The following CD3D variants were observed in gnomAD, a reference collection of about 807,000 sequenced individuals.
CD3D encodes the protein CD3 delta subunit of T-cell receptor complex.
Under a neutral mutation model 22.0 loss-of-function variants are expected in CD3D, and 22 were observed. The observed-to-expected ratio is 1.00, with a 90% CI of 0.71 to 1.43. The LOEUF (loss-of-function observed/expected upper bound fraction) is 1.43, where lower values mean the gene tolerates loss of function less well. Ranked by LOEUF, CD3D falls within the 40% of genes most tolerant of loss-of-function variation. The probability of loss-of-function intolerance (pLI) is 0.00; values close to 1 mark genes in which losing one functional copy is unlikely to be tolerated. For missense variants in CD3D, 205 were observed against 211.7 expected, an observed-to-expected ratio of 0.97 and a Z score of 0.20; for synonymous variants, 74 against 81.2, an observed-to-expected ratio of 0.91 and a Z score of 0.48.
chr11:118,339,105 G>T lies in CD3D; in HGVS notation c.*57C>A. ...GAAAGAGGATATATTTATTGGCTGA[G>T]CAAGAAGGGAAGGTACAGTTGGTAA... On this transcript the variant is annotated 3_prime_UTR_variant, in exon 5 of 5. Coordinates refer to ENST00000300692, the MANE Select transcript of CD3D (RefSeq NM_000732.6). 1 of 1,422,136 alleles carries T rather than the reference G, an allele frequency of 7.0e-7. No homozygotes were observed. Among genetic ancestry groups the T allele is most frequent in the Non-Finnish European group, 1.0e-6 (1 of 1,004,770 alleles). The allele number at this position is 1,422,136 out of a possible 1,614,324, so 88.1% of individuals were successfully genotyped here. A position where few individuals can be genotyped will look rare whatever the true frequency, so the allele number is the denominator to read the frequency against.
intron 3 of CD3D, 136 bp downstream of exon 3, chr11:118,339,639 A>G: frequency 6.4e-7 from 1 of 1,557,694 alleles, no homozygotes; most frequent in South Asian, 1.1e-5. Flanking sequence ...AGGAGATTGC[A>G]AGAGTAACTC....
At chr11:118,341,066 A>G (rs144040060) in intron 1 of CD3D, 2 of 417,238 alleles carry the variant, frequency 4.8e-6, no homozygotes, top group Admixed American at 2.5e-5. Flanking sequence ...ATCCTTCCTC[A>G]TTGCCCCTGC....
Position 118,339,184 on chromosome 11 carries a change from C to T in CD3D, c.494G>A (p.Gly165Glu). The T allele has an allele frequency of 1.2e-6, 2 of 1,614,048 alleles. No individual in the cohort carries two copies. Among genetic ancestry groups the T allele is most frequent in the Middle Eastern group, 1.6e-4 (1 of 6,062 alleles). The stretch of plus-strand genomic sequence containing the variant: ...GGTTCACTTGTTCCGAGCCCAGTTT[C>T]CTCCAAGGTGGCTGTACTGAGCATC... ...RDDAQYSHLG[G>E]NWARNK Residue 165 changes from glycine to glutamate, a missense_variant, in exon 5 of 5, where the codon GGA becomes GAA. Coordinates refer to ENST00000300692, the MANE Select transcript of CD3D (RefSeq NM_000732.6).
At position 118,339,232 on chromosome 11, in the gene CD3D, G is replaced by A; in HGVS notation, c.451-5C>T. On this transcript the variant is annotated splice_polypyrimidine_tract_variant and splice_region_variant and intron_variant, in intron 4 of 4. Coordinates refer to ENST00000300692, the MANE Select transcript of CD3D (RefSeq NM_000732.6). Reference sequence around the variant, plus strand: ...ATCATCTCGATCTCGGAGGGGCTAAGAGAGGAGAAGAGAAAACGGTCAGGA... The same window carrying A: ...ATCATCTCGATCTCGGAGGGGCTAAAAGAGGAGAAGAGAAAACGGTCAGGA... The A allele has an allele frequency of 1.2e-6, 2 of 1,613,300 alleles. No individual in the cohort carries two copies. Among genetic ancestry groups the A allele is most frequent in the South Asian group, 2.2e-5 (2 of 91,042 alleles).
chr11:118,340,052 G>A, intron 2 of CD3D, 146 bp from the exon 3 acceptor site: 1 of 935,518 alleles, frequency 1.1e-6, no homozygotes, highest in Non-Finnish European at 1.7e-6. Flanking sequence ...TGATGGGCTT[G>A]CCACACCTTC....
At chr11:118,339,314 CT>C in intron 4 of CD3D, 87 bp from the exon 5 acceptor site, 1 of 1,484,952 alleles carries the variant, frequency 6.7e-7, no homozygotes, top group Non-Finnish European at 9.4e-7. Flanking sequence ...ATGAGAGCTC[CT>C]GCCTGACCTC....
Position 118,340,466 on chromosome 11 carries a change from T to C in CD3D, c.183A>G (p.Gly61=). The C allele has an allele frequency of 6.2e-7, 1 of 1,614,092 alleles. No homozygotes were observed. Among genetic ancestry groups the C allele is most frequent in the South Asian group, 1.1e-5 (1 of 91,076 alleles). ...LLSDITRLDL[G]KRILDPRGIY... is the part of the protein sequence containing the mutation. ...TTCCTCGTGGGTCCAGGATGCGTTT[T>C]CCCAGGTCCAGTCTTGTAATGTCTG... The change falls in exon 2 of 5, where the codon GGA becomes GGG. Residue 61 remains glycine (G), a synonymous_variant. Transcript: ENST00000300692.
intron 1 of CD3D, among the ~76,000 whole-genome samples, chr11:118,341,545 G>GT (rs1258389467): frequency 6.6e-6 from 1 of 152,158 alleles, no homozygotes; most frequent in East Asian, 1.9e-4. Context: ...TCTGAAGCAG[G>GT]TTGGAAGTAT....
chr11:118,340,456 G>A lies in CD3D; in HGVS notation c.193C>T (p.Leu65=), dbSNP rs1424666193. The A allele has an allele frequency of 6.2e-7, 1 of 1,614,106 alleles. No homozygotes were observed. ...ITRLDLGKRI[L]DPRGIYRCNG... is the part of the protein sequence containing the mutation. Reference sequence around the variant, plus strand: ...CACCTATATATTCCTCGTGGGTCCAGGATGCGTTTTCCCAGGTCCAGTCTT... The same window carrying A: ...CACCTATATATTCCTCGTGGGTCCAAGATGCGTTTTCCCAGGTCCAGTCTT... The change falls in exon 2 of 5, where the codon CTG becomes TTG. Residue 65 remains leucine (L), a synonymous_variant. Transcript: ENST00000300692.
chr11:118,340,399 A>AT lies in CD3D; in HGVS notation c.249dup (p.Ser84IlefsTer28). ...CTTCGATAATGAACTTGCACGGTAG[A>AT]TTCTTTGTCCTTGTATATATCTGTC... On this transcript the variant is annotated frameshift_variant, in exon 2 of 5. Coordinates refer to ENST00000300692, the MANE Select transcript of CD3D (RefSeq NM_000732.6). LOFTEE classifies it high-confidence loss of function. The AT allele has an allele frequency of 6.2e-7, 1 of 1,614,048 alleles. No individual in the cohort carries two copies. The highest frequency in any genetic ancestry group is 1.1e-5 in the South Asian group (1 of 91,082).
At position 118,342,614 on chromosome 11, in the gene CD3D, G is replaced by A. The variant is rs1322770173; in HGVS notation, c.-7C>T. On this transcript the variant is annotated 5_prime_UTR_variant, in exon 1 of 5. Coordinates refer to ENST00000300692, the MANE Select transcript of CD3D (RefSeq NM_000732.6). ...GAAACGTGCTATGTTCCATCTCCCAGCGGAACTCATCCAGTAGATAAAGCC... is the reference window on the plus strand; with the variant it reads ...GAAACGTGCTATGTTCCATCTCCCAACGGAACTCATCCAGTAGATAAAGCC... The A allele has an allele frequency of 1.2e-6, 2 of 1,613,092 alleles. No homozygotes were observed. The highest frequency in any genetic ancestry group is 1.7e-6 in the Non-Finnish European group (2 of 1,179,340).
At chr11:118,339,352 C>T (rs1245241732) in intron 4 of CD3D, 99 bp downstream of exon 4, 7 of 1,498,994 alleles carry the variant, frequency 4.7e-6, no homozygotes, top group South Asian at 4.5e-5. Context: ...AATGAACTCC[C>T]CAGTAGGACC....
Position 118,339,134 on chromosome 11 carries a change from C to T in CD3D, c.*28G>A, listed in dbSNP as rs1948275478. On this transcript the variant is annotated 3_prime_UTR_variant, in exon 5 of 5. Coordinates refer to ENST00000300692, the MANE Select transcript of CD3D (RefSeq NM_000732.6). ...GAAGGGAAGGTACAGTTGGTAATGG[C>T]TGCTTCTAGAAGCCACCAGTCTCAG... 1 of 1,594,788 alleles carries T rather than the reference C, an allele frequency of 6.3e-7. No homozygotes were observed. Among genetic ancestry groups the T allele is most frequent in the Non-Finnish European group, 8.6e-7 (1 of 1,162,386 alleles).
At chr11:118,340,889 G>A (rs1197847436) in intron 1 of CD3D, 1 of 596,884 alleles carries the variant, frequency 1.7e-6, no homozygotes, top group African/African-American at 1.8e-5. Context: ...AATGAATCCA[G>A]ACCACTGATG....
In CD3D at chr11:118,339,115, A is replaced by C. The variant is rs1948275262; in HGVS notation, c.*47T>G. The stretch of plus-strand genomic sequence containing the variant: ...ATATTTATTGGCTGAGCAAGAAGGG[A>C]AGGTACAGTTGGTAATGGCTGCTTC... On this transcript the variant is annotated 3_prime_UTR_variant, in exon 5 of 5. Transcript: ENST00000300692. The C allele has an allele frequency of 6.8e-7, 1 of 1,473,632 alleles. No homozygotes were observed. The highest frequency in any genetic ancestry group is 1.4e-5 in the African/African-American group (1 of 72,130). 91.3% of individuals were successfully genotyped at this position (1,473,632 alleles called of 1,614,324 possible).
chr11:118,342,515 C>A, intron 1 of CD3D, 38 bp downstream of exon 1: 1 of 1,590,302 alleles, frequency 6.3e-7, no homozygotes, highest in South Asian at 1.1e-5. Context: ...TAATGTCCCT[C>A]TCAGGTCCCT....
At chr11:118,339,371 G>A (rs993427476) in intron 4 of CD3D, 80 bp downstream of exon 4, 18 of 1,547,388 alleles carry the variant, frequency 1.2e-5, no homozygotes, top group South Asian at 8.9e-5. Context: ...CCCTTCCCAC[G>A]TGCAAACAGC....
chr11:118,340,937 A>C (rs966264777), intron 1 of CD3D: 49 of 534,598 alleles, frequency 9.2e-5, no homozygotes, highest in African/African-American at 9.0e-4. Context: ...AGCACCTGGA[A>C]GATGTGGAAA....
intron 1 of CD3D, 105 bp from the exon 2 acceptor site, chr11:118,340,698 G>A (rs1003220858): frequency 9.8e-6 from 8 of 815,874 alleles, no homozygotes; most frequent in Admixed American, 2.0e-5. Context: ...CCTGGTCCAG[G>A]ACAGTTTATG....
Sources: gnomAD v4.1 joint callset for allele counts (sites outside exome capture counted in the v4.1 genomes callset) on GRCh38, gnomAD v4.1.1 for gene constraint, MANE v1.5 for transcripts, NCBI Gene and HGNC (gene_info 2026-07-23, HGNC 2026-07-21) for gene names.